PCDHAC2: variants seen among roughly 807,000 people sequenced by gnomAD.
PCDHAC2 encodes protocadherin alpha subfamily C, 2.
PCDHAC2 carries 24 observed loss-of-function variants against 63.3 expected under a neutral mutation model. The ratio of observed to expected loss-of-function variants is 0.38; its 90% CI spans 0.27 to 0.53. The LOEUF is 0.53. Ranked by LOEUF, PCDHAC2 falls within the 20% of genes least tolerant of loss-of-function variation. PCDHAC2 has a pLI of 0.81. For synonymous variants in PCDHAC2, 569 were observed against 529.4 expected (o/e 1.07, Z -1.03); for missense variants, 1,181 against 1,275.2 (o/e 0.93, Z 1.12).
Position 140,982,372 on chromosome 5 carries a change from C to G in PCDHAC2, c.2625-103C>G, listed in dbSNP as rs1479669249. 1.9e-6 allele frequency: 3 copies of G among 1,554,840 alleles called. No homozygotes were observed. In the East Asian group the frequency reaches 7.0e-5, roughly 36 times the overall value. ...TTCAAGCATGAGCAGAATGTGTTAG[C>G]TGCAGCCCTGGCTTCATAGTTGTAA... On this transcript the variant is annotated intron_variant, in intron 2 of 3. Coordinates refer to ENST00000289269, the MANE Select transcript of PCDHAC2 (RefSeq NM_018899.6).
rs1218869340 is a variant in PCDHAC2 at position 140,967,627 on chromosome 5, C to T, written c.861C>T (p.Gly287=). The change falls in exon 1 of 4, where the codon GGC becomes GGT. Residue 287 remains glycine (G), a synonymous_variant. Transcript: ENST00000289269. ...VKLNASDPDE[G]SNGELRYSLS... ...TGAATGCCTCAGACCCGGATGAGGG[C>T]TCCAATGGTGAGCTCAGGTACTCCT... 3.1e-6 allele frequency: 5 copies of T among 1,614,158 alleles called. No homozygotes were observed. Among genetic ancestry groups the T allele is most frequent in the South Asian group, 2.2e-5 (2 of 91,082 alleles).
intron 3 of PCDHAC2, 167 bp from the exon 4 acceptor site, chr5:141,009,460 T>C (rs1375350735): frequency 3.2e-6 from 3 of 950,276 alleles, no homozygotes; most frequent in African/African-American, 1.8e-5. Flanking sequence ...ATTAAACAAA[T>C]AAATAAATAA....
chr5:141,010,815 TC>T lies in PCDHAC2; in HGVS notation c.*879del, dbSNP rs1159286994. 1.3e-5 allele frequency: 2 copies of T among 153,744 alleles called. No homozygotes were observed. Among genetic ancestry groups the T allele is most frequent in the Admixed American group, 6.5e-5 (1 of 15,280 alleles). 9.5% of individuals were successfully genotyped at this position (153,744 alleles called of 1,614,324 possible). On this transcript the variant is annotated 3_prime_UTR_variant, in exon 4 of 4. Coordinates refer to ENST00000289269, the MANE Select transcript of PCDHAC2 (RefSeq NM_018899.6). ...AAAGAAAACCCCGACACCTCACCTT[TC>T]GCTGTTTGTTGTTTCATAGATTTAT...
Position 140,967,780 on chromosome 5 carries a change from T to C in PCDHAC2, c.1014T>C (p.Thr338=). Residue 338 remains threonine (T), a synonymous_variant, in exon 1 of 4, where the codon ACT becomes ACC. Transcript: ENST00000289269. The part of the protein sequence containing the change: ...ASSYQIYVQA[T]DRGPVPMAGH... ...CCTACCAGATCTATGTGCAGGCGAC[T>C]GACCGGGGTCCAGTGCCCATGGCAG... 6.2e-7 allele frequency: 1 copy of C among 1,614,214 alleles called. No individual in the cohort carries two copies. The highest frequency in any genetic ancestry group is 8.5e-7 in the Non-Finnish European group (1 of 1,180,050).
intron 3 of PCDHAC2, among the ~76,000 whole-genome samples, chr5:140,990,304 A>T (rs114506238): frequency 3.9e-5 from 6 of 152,286 alleles, no homozygotes; most frequent in Non-Finnish European, 8.8e-5. Context: ...CATTGTCTGT[A>T]AAAAACCAAC....
At chr5:140,994,704 CA>C (rs1294993555) in intron 3 of PCDHAC2, among the ~76,000 whole-genome samples, 1 of 150,730 alleles carries the variant, frequency 6.6e-6, no homozygotes, top group Non-Finnish European at 1.5e-5. Flanking sequence ...GACCCTGTCT[CA>C]AAAAAAAATT....
chr5:141,009,771 T>A lies in PCDHAC2; in HGVS notation c.2858T>A (p.Ile953Asn). The change falls in exon 4 of 4, where the codon ATC (isoleucine) becomes AAC (asparagine). Residue 953 changes from isoleucine (I) to asparagine (N), a missense_variant. Transcript: ENST00000289269. The part of the protein sequence containing the change: ...DKFIIPGSPA[I>N]ISIRQEPTNS... ...TTCATTATCCCAGGATCTCCTGCAA[T>A]CATCTCCATCCGGCAGGAGCCTACT... 3 of 1,614,082 alleles carry A rather than the reference T, an allele frequency of 1.9e-6. No homozygotes were observed. Among genetic ancestry groups the A allele is most frequent in the Non-Finnish European group, 2.5e-6 (3 of 1,180,020 alleles).
intron 3 of PCDHAC2, among the ~76,000 whole-genome samples, chr5:140,994,387 C>T (rs192635308): frequency 1.3e-5 from 2 of 152,174 alleles, no homozygotes; most frequent in East Asian, 1.9e-4. Context: ...GGGACTAAGT[C>T]AGAGATTATT....
At chr5:140,986,524 G>GAACT (rs1403082336) in intron 3 of PCDHAC2, among the ~76,000 whole-genome samples, 2 of 152,198 alleles carry the variant, frequency 1.3e-5, no homozygotes, top group Non-Finnish European at 2.9e-5. Flanking sequence ...GCCTGTGAGG[G>GAACT]AACTGGCCTG....
chr5:141,008,871 C>T (rs1249220900), intron 3 of PCDHAC2, among the ~76,000 whole-genome samples: 2 of 152,168 alleles, frequency 1.3e-5, no homozygotes, highest in African/African-American at 4.8e-5. Context: ...TGCTGCATCC[C>T]ACCACCCTTC....
rs140727388 is a variant in PCDHAC2, at chr5:140,974,245, C to G, written c.2566-4704C>G. Among the ~76,000 whole-genome samples, 191 of 152,268 alleles carry G rather than the reference C, an allele frequency of 1.3e-3. 1 individual carries two copies. The highest frequency in any genetic ancestry group is 4.3e-3 in the African/African-American group (179 of 41,572). Reference sequence around the variant, plus strand: ...ATCTTAGTTCCTTGGCATATAAGCACCATCAGTTCCTTTCTGGCCTTCCAG... The same window carrying G: ...ATCTTAGTTCCTTGGCATATAAGCAGCATCAGTTCCTTTCTGGCCTTCCAG... On this transcript the variant is annotated intron_variant, in intron 1 of 3. Transcript: ENST00000289269.
At chr5:140,975,326 G>A (rs901942738) in intron 1 of PCDHAC2, among the ~76,000 whole-genome samples, 2 of 152,216 alleles carry the variant, frequency 1.3e-5, no homozygotes, top group Non-Finnish European at 2.9e-5. Flanking sequence ...GTCCCATCCA[G>A]ATGATCTCCC....
intron 3 of PCDHAC2, among the ~76,000 whole-genome samples, chr5:141,003,395 T>G (rs1217089473): frequency 6.6e-6 from 1 of 152,160 alleles, no homozygotes; most frequent in Non-Finnish European, 1.5e-5. Flanking sequence ...CACTGAAACC[T>G]CCGCCTCCCG....
At chr5:140,975,330 A>G (rs563974651) in intron 1 of PCDHAC2, among the ~76,000 whole-genome samples, 1 of 152,320 alleles carries the variant, frequency 6.6e-6, no homozygotes, top group African/African-American at 2.4e-5. Flanking sequence ...CATCCAGATG[A>G]TCTCCCTTTC....
intron 3 of PCDHAC2, among the ~76,000 whole-genome samples, chr5:140,983,886 T>C (rs1280409622): frequency 1.3e-5 from 2 of 152,206 alleles, no homozygotes; most frequent in Non-Finnish European, 2.9e-5. Flanking sequence ...CTGGCAACTT[T>C]AAGGGCATTC....
intron 1 of PCDHAC2, among the ~76,000 whole-genome samples, chr5:140,970,269 A>G (rs1410341195): frequency 6.6e-6 from 1 of 152,184 alleles, no homozygotes; most frequent in East Asian, 1.9e-4. Flanking sequence ...TTTTGATGAG[A>G]TGTAAAGTAG....
Position 140,968,002 on chromosome 5 carries a change from G to A in PCDHAC2, c.1236G>A (p.Leu412=). The A allele has an allele frequency of 6.2e-7, 1 of 1,614,208 alleles. No individual in the cohort carries two copies. Among genetic ancestry groups the A allele is most frequent in the South Asian group, 1.1e-5 (1 of 91,084 alleles). The part of the protein sequence containing the change: ...LGLEATLPFR[L]NGFGNSYTLV... ...TGGAGGCCACACTGCCTTTCCGACT[G>A]AATGGCTTTGGAAACTCCTATACAC... Residue 412 remains leucine (L), a synonymous_variant, in exon 1 of 4, where the codon CTG becomes CTA. Coordinates refer to ENST00000289269, the MANE Select transcript of PCDHAC2 (RefSeq NM_018899.6).
chr5:141,007,478 G>A (rs1041976706), intron 3 of PCDHAC2, among the ~76,000 whole-genome samples: 5 of 151,620 alleles, frequency 3.3e-5, no homozygotes, highest in Admixed American at 6.6e-5. Context: ...TGAGGCACGA[G>A]AATTACTTGG....
intron 3 of PCDHAC2, among the ~76,000 whole-genome samples, chr5:141,003,556 A>G (rs1183434751): frequency 6.6e-6 from 1 of 152,034 alleles, no homozygotes; most frequent in Non-Finnish European, 1.5e-5. Flanking sequence ...CAAGTGATCC[A>G]CCTGCCTCAG....
Sources: allele counts gnomAD v4.1 joint callset (sites outside exome capture counted in the v4.1 genomes callset), GRCh38; gene constraint gnomAD v4.1.1; transcripts MANE v1.5; gene names NCBI Gene and HGNC (gene_info 2026-07-23, HGNC 2026-07-21).